The following OSBP2 variants were observed in gnomAD, a reference collection of about 807,000 sequenced individuals.
OSBP2 encodes oxysterol-binding protein 2.
OSBP2 carries 66 observed loss-of-function variants against 96.0 expected under a neutral mutation model. The observed-to-expected ratio is 0.69, with a 90% CI of 0.56 to 0.84. OSBP2 has a LOEUF of 0.84. OSBP2 is among the 40% of genes least tolerant of loss of function. The pLI is 0.00. For synonymous variants in OSBP2, 525 were observed against 520.9 expected (o/e 1.01, Z -0.11); for missense variants, 1,038 against 1,222.7 (o/e 0.85, Z 2.25).
chr22:30,775,260 A>G (rs778344613), intron 2 of OSBP2, among the ~76,000 whole-genome samples: 4 of 151,786 alleles, frequency 2.6e-5, no homozygotes, highest in Non-Finnish European at 4.4e-5. Context: ...TTTACAGCAA[A>G]CCCCATCTGT....
chr22:30,817,332 T>C (rs2091094551), intron 2 of OSBP2, among the ~76,000 whole-genome samples: 1 of 152,152 alleles, frequency 6.6e-6, no homozygotes, highest in East Asian at 1.9e-4. Flanking sequence ...TCACTGCTTC[T>C]CCCCTGTGGG....
chr22:30,872,193 C>T, intron 3 of OSBP2: 2 of 455,280 alleles, frequency 4.4e-6, no homozygotes, highest in South Asian at 3.1e-5. Flanking sequence ...CCCTCTCAGG[C>T]CCACTGTCCT....
intron 2 of OSBP2, among the ~76,000 whole-genome samples, chr22:30,831,001 C>G (rs965808621): frequency 6.6e-6 from 1 of 152,182 alleles, no homozygotes; most frequent in Non-Finnish European, 1.5e-5. Context: ...TTCTGTTAGA[C>G]ATTTAGGTTC....
chr22:30,697,434 A>C (rs2089064452), intron 1 of OSBP2, among the ~76,000 whole-genome samples: 1 of 152,070 alleles, frequency 6.6e-6, no homozygotes, highest in Admixed American at 6.6e-5. Flanking sequence ...GTGCGCCACC[A>C]CACACGGTTA....
At chr22:30,694,236 C>A (rs1415352770), upstream of OSBP2, 2 of 1,549,716 alleles carry the variant, frequency 1.3e-6, no homozygotes, top group Non-Finnish European at 1.7e-6. Context: ...TCACTGGCAG[C>A]GAAGCGCCTT....
intron 2 of OSBP2, among the ~76,000 whole-genome samples, chr22:30,783,998 G>A (rs2090554126): frequency 6.6e-6 from 1 of 152,226 alleles, no homozygotes; most frequent in Non-Finnish European, 1.5e-5. Flanking sequence ...CTTCCAGGAA[G>A]AGGCTTCAGA....
chr22:30,714,762 G>T (rs1194874629), intron 1 of OSBP2, among the ~76,000 whole-genome samples: 1 of 152,008 alleles, frequency 6.6e-6, no homozygotes, highest in East Asian at 1.9e-4. Flanking sequence ...GATTACAGGT[G>T]CCCACCACCA....
chr22:30,789,331 G>A (rs574931052), intron 2 of OSBP2, among the ~76,000 whole-genome samples: 13 of 152,232 alleles, frequency 8.5e-5, no homozygotes, highest in Non-Finnish European at 1.8e-4. Flanking sequence ...GAGAGAGGGG[G>A]CCTGAATCTG....
At chr22:30,811,352 A>ATTTATTTC (rs2091004546) in intron 2 of OSBP2, among the ~76,000 whole-genome samples, 1 of 142,816 alleles carries the variant, frequency 7.0e-6, no homozygotes, top group African/African-American at 2.6e-5. Flanking sequence ...TTATTTATTT[A>ATTTATTTC]TTTATTTATT....
At chr22:30,750,700 A>G (rs1456030177) in intron 2 of OSBP2, among the ~76,000 whole-genome samples, 1 of 152,142 alleles carries the variant, frequency 6.6e-6, no homozygotes, top group African/African-American at 2.4e-5. Flanking sequence ...ACAACCTCTT[A>G]TCCCAACCCA....
chr22:30,789,239 C>T (rs1818902581), intron 2 of OSBP2, among the ~76,000 whole-genome samples: 1 of 152,156 alleles, frequency 6.6e-6, no homozygotes, highest in Admixed American at 6.5e-5. Flanking sequence ...CAACGGCTCT[C>T]AGAGGCTTCA....
chr22:30,870,346 C>A lies in OSBP2; in HGVS notation c.854-83C>A. 7.0e-7 allele frequency: 1 copy of A among 1,431,184 alleles called. No individual in the cohort carries two copies. The allele number at this position is 1,431,184 out of a possible 1,614,324, so 88.7% of individuals were successfully genotyped here. A position where few individuals can be genotyped will look rare whatever the true frequency, so the allele number is the denominator to read the frequency against. On this transcript the variant is annotated intron_variant, in intron 2 of 13. Transcript: ENST00000332585. This position sits in a 1 kb window ranked among gnomAD's most constrained non-coding sequence, Gnocchi z 4.1. ...TGTTTTTTGAATGGCGCTATCCACC[C>A]TGCCCTGCTCGGCCTGGCTGTGCAG...
intron 12 of OSBP2, among the ~76,000 whole-genome samples, chr22:30,904,926 A>G (rs971215415): frequency 1.1e-4 from 16 of 152,250 alleles, no homozygotes; most frequent in Admixed American, 7.8e-4. Flanking sequence ...AATTGAGGTC[A>G]GGGGTTCAAT....
intron 2 of OSBP2, among the ~76,000 whole-genome samples, chr22:30,863,603 A>T (rs2039270517): frequency 6.6e-6 from 1 of 152,178 alleles, no homozygotes; most frequent in African/African-American, 2.4e-5. Context: ...CCGCTTGAGG[A>T]CAAGGTCATG....
chr22:30,729,376 G>A (rs766340507), intron 1 of OSBP2, among the ~76,000 whole-genome samples: 2 of 152,136 alleles, frequency 1.3e-5, no homozygotes, highest in Non-Finnish European at 2.9e-5. Context: ...GGTGGCTCAC[G>A]CCTGTAAACC....
intron 2 of OSBP2, among the ~76,000 whole-genome samples, chr22:30,810,150 A>G (rs185923501): frequency 4.9e-4 from 74 of 152,248 alleles, no homozygotes; most frequent in Admixed American, 3.7e-3. Context: ...GCTTGGGCCC[A>G]TCATGGAGTG....
At chr22:30,853,278 C>A (rs1025500809) in intron 2 of OSBP2, among the ~76,000 whole-genome samples, 1 of 152,132 alleles carries the variant, frequency 6.6e-6, no homozygotes, top group Non-Finnish European at 1.5e-5. Context: ...GCTTCATGTA[C>A]CTTTAAGCTC....
intron 2 of OSBP2, among the ~76,000 whole-genome samples, chr22:30,864,568 G>C (rs1214472927): frequency 6.6e-6 from 1 of 152,150 alleles, no homozygotes. Context: ...CTCCAGCCTT[G>C]CTGGGTATGG....
At chr22:30,880,499 C>T (rs2039680049) in intron 3 of OSBP2, among the ~76,000 whole-genome samples, 1 of 152,218 alleles carries the variant, frequency 6.6e-6, no homozygotes, top group Non-Finnish European at 1.5e-5. Flanking sequence ...TCCCCACCTC[C>T]TCCGTGAGCC....
Sources: allele counts gnomAD v4.1 joint callset (sites outside exome capture counted in the v4.1 genomes callset), GRCh38; gene constraint gnomAD v4.1.1; non-coding constraint Gnocchi (gnomAD v3.1); transcripts MANE v1.5; gene names NCBI Gene and HGNC (gene_info 2026-07-23, HGNC 2026-07-21).